Variants in UPP2 observed in about 807,000 individuals in gnomAD.
The protein encoded by UPP2 is UPase 2.
A neutral mutation model predicts 26.7 loss-of-function variants in UPP2; 23 were observed. That is an observed-to-expected ratio of 0.86 (90% CI 0.62 to 1.22). The LOEUF (loss-of-function observed/expected upper bound fraction) is 1.22, where lower values mean the gene tolerates loss of function less well. Among genes scored for constraint, UPP2 ranks in the 50% most tolerant of loss-of-function variants. UPP2 has a pLI of 0.00. For synonymous variants in UPP2, 127 were observed against 141.3 expected, an observed-to-expected ratio of 0.90 and a Z score of 0.72; for missense variants, 387 against 396.7, an observed-to-expected ratio of 0.98 and a Z score of 0.21.
chr2:158,103,803 C>A (rs2105212087), intron 1 of UPP2, among the ~76,000 whole-genome samples: 1 of 152,280 alleles, frequency 6.6e-6, no homozygotes, highest in South Asian at 2.1e-4. Flanking sequence ...CCAGATGTTC[C>A]TGATGCTGCT....
At chr2:158,041,733 A>C (rs920918245) in intron 3 of UPP2, among the ~76,000 whole-genome samples, 1 of 152,200 alleles carries the variant, frequency 6.6e-6, no homozygotes, top group African/African-American at 2.4e-5. Flanking sequence ...TAATTAGTGA[A>C]TCTTTTTCTG....
intron 3 of UPP2, among the ~76,000 whole-genome samples, chr2:158,040,186 C>T (rs1361383058): frequency 6.6e-6 from 1 of 152,196 alleles, no homozygotes; most frequent in Admixed American, 6.5e-5. Flanking sequence ...CTCCCACTGG[C>T]TTCCCTCCTT....
In UPP2 at chr2:158,082,913, C is replaced by A. The variant is rs547331269; in HGVS notation, c.148-19127C>A. Among the ~76,000 whole-genome samples the A allele has an allele frequency of 7.8e-4, 119 of 152,300 alleles. No individual in the cohort carries two copies. In the Middle Eastern group the frequency reaches 0.01, roughly 13 times the overall value. ...GGGTGAAGGATATGAACAGACATTT[C>A]TCAAAAGAAGACATTCATGCAGCCA... On this transcript the variant is annotated intron_variant, in intron 3 of 9. Coordinates refer to the UPP2 transcript ENST00000605860.
chr2:158,052,378 T>C (rs1337753406), intron 3 of UPP2, among the ~76,000 whole-genome samples: 3 of 152,124 alleles, frequency 2.0e-5, no homozygotes, highest in Non-Finnish European at 4.4e-5. Flanking sequence ...AAGATGTGGG[T>C]AAACTGGAAA....
At chr2:158,012,037 A>G in intron 2 of UPP2, among the ~76,000 whole-genome samples, 1 of 152,042 alleles carries the variant, frequency 6.6e-6, no homozygotes, top group South Asian at 2.1e-4. Flanking sequence ...CTCAGTGAGC[A>G]TCTTTTTTAT....
chr2:158,070,449 A>G (rs937121196), intron 3 of UPP2, among the ~76,000 whole-genome samples: 11 of 152,256 alleles, frequency 7.2e-5, no homozygotes, highest in Non-Finnish European at 5.9e-5. Context: ...ATAACTGAGA[A>G]CAAGAAAAGC....
chr2:158,079,974 C>T (rs1303005895), intron 3 of UPP2, among the ~76,000 whole-genome samples: 1 of 152,012 alleles, frequency 6.6e-6, no homozygotes, highest in South Asian at 2.1e-4. Context: ...GTCTCACTGT[C>T]TGGGGGAAGA....
At chr2:158,022,440 CAG>C (rs1204286246) in intron 3 of UPP2, among the ~76,000 whole-genome samples, 6 of 130,616 alleles carry the variant, frequency 4.6e-5, no homozygotes, top group African/African-American at 1.5e-4. Flanking sequence ...GCCCAGGGAA[CAG>C]AGTGAGACTT....
intron 3 of UPP2, among the ~76,000 whole-genome samples, chr2:158,070,027 C>A (rs1682513360): frequency 6.6e-6 from 1 of 152,110 alleles, no homozygotes; most frequent in Non-Finnish European, 1.5e-5. Flanking sequence ...CAAACAAGGT[C>A]TGGATCTCAA....
chr2:158,077,339 A>C (rs951175138), intron 3 of UPP2, among the ~76,000 whole-genome samples: 1 of 152,174 alleles, frequency 6.6e-6, no homozygotes, highest in Admixed American at 6.6e-5. Flanking sequence ...AGCCAAGGCT[A>C]TCCTGAACAA....
chr2:158,050,012 T>G (rs1361686071), intron 3 of UPP2, among the ~76,000 whole-genome samples: 34 of 152,258 alleles, frequency 2.2e-4, no homozygotes, highest in Admixed American at 2.2e-3. Flanking sequence ...TGGTGATTCA[T>G]TTTTTATTTC....
intron 6 of UPP2, among the ~76,000 whole-genome samples, chr2:158,134,442 T>C (rs569814323): frequency 1.3e-5 from 2 of 152,362 alleles, no homozygotes; most frequent in South Asian, 4.1e-4. Context: ...ATATCTCAGA[T>C]TGCAAAGCTT....
At chr2:158,053,444 C>A (rs1682190987) in intron 3 of UPP2, among the ~76,000 whole-genome samples, 1 of 152,112 alleles carries the variant, frequency 6.6e-6, no homozygotes, top group South Asian at 2.1e-4. Flanking sequence ...ATCCAGAGTT[C>A]AATTTCAAGC....
At chr2:158,047,544 C>T (rs1468437822) in intron 3 of UPP2, among the ~76,000 whole-genome samples, 1 of 152,196 alleles carries the variant, frequency 6.6e-6, no homozygotes, top group Non-Finnish European at 1.5e-5. Flanking sequence ...TGGGTTTACC[C>T]AAGGCCAAAC....
At chr2:158,017,290 T>C (rs1482020545) in intron 3 of UPP2, among the ~76,000 whole-genome samples, 2 of 152,162 alleles carry the variant, frequency 1.3e-5, no homozygotes, top group Non-Finnish European at 2.9e-5. Context: ...ATTTTAAAAA[T>C]AGTCTCCACT....
At chr2:158,050,631 C>CA (rs1682140495) in intron 3 of UPP2, among the ~76,000 whole-genome samples, 1 of 150,198 alleles carries the variant, frequency 6.7e-6, no homozygotes, top group Non-Finnish European at 1.5e-5. Flanking sequence ...GACCCTGTCT[C>CA]AAAAAAAGAA....
At chr2:158,109,409 G>T (rs1294703038) in intron 2 of UPP2, among the ~76,000 whole-genome samples, 3 of 152,118 alleles carry the variant, frequency 2.0e-5, no homozygotes, top group Non-Finnish European at 4.4e-5. Context: ...TACAAGGTGG[G>T]AGTTCTTAGT....
chr2:158,043,981 A>G (rs538486067), intron 3 of UPP2, among the ~76,000 whole-genome samples: 1 of 152,342 alleles, frequency 6.6e-6, no homozygotes, highest in African/African-American at 2.4e-5. Context: ...TGGAGTGCAG[A>G]TCAAATGAGC....
At chr2:158,024,111 AG>A (rs1284890393) in intron 3 of UPP2, among the ~76,000 whole-genome samples, 1 of 152,194 alleles carries the variant, frequency 6.6e-6, no homozygotes, top group African/African-American at 2.4e-5. Context: ...TTAGGTCTTG[AG>A]GAGGGACCCC....
Sources: gnomAD v4.1 joint callset for allele counts (sites outside exome capture counted in the v4.1 genomes callset) on GRCh38, gnomAD v4.1.1 for gene constraint, MANE v1.5 for transcripts, NCBI Gene and HGNC (gene_info 2026-07-23, HGNC 2026-07-21) for gene names.